Variants in SIRPB1 observed in about 807,000 individuals in gnomAD.
SIRPB1 encodes the protein signal-regulatory protein beta-1.
A neutral mutation model predicts 34.1 loss-of-function variants in SIRPB1; 28 were observed. That is an observed-to-expected ratio of 0.82 (90% CI 0.61 to 1.12). SIRPB1 has a LOEUF of 1.12. SIRPB1 is among the 50% of genes most tolerant of loss of function. SIRPB1 has a pLI of 0.00. For synonymous variants in SIRPB1, 211 were observed against 203.8 expected (o/e 1.04, Z -0.30); for missense variants, 499 against 507.0 (o/e 0.98, Z 0.15).
At chr20:1,615,513 G>A (rs539186828) in intron 1 of SIRPB1, among the ~76,000 whole-genome samples, 20 of 152,330 alleles carry the variant, frequency 1.3e-4, no homozygotes, top group African/African-American at 4.3e-4. Context: ...CTGCCAGGTA[G>A]AGCTGCACAC....
intron 1 of SIRPB1, among the ~76,000 whole-genome samples, chr20:1,615,528 C>CTG (rs1600167109): frequency 6.6e-6 from 1 of 152,204 alleles, no homozygotes; most frequent in Non-Finnish European, 1.5e-5. Flanking sequence ...GCACACCTTT[C>CTG]TGTTAACAGT....
intron 4 of SIRPB1, 86 bp downstream of exon 4, chr20:1,570,719 A>G (rs1600100257): frequency 9.1e-7 from 1 of 1,094,304 alleles, no homozygotes; most frequent in Non-Finnish European, 1.3e-6. Flanking sequence ...ATATTTATAG[A>G]CTTCTAGCTT....
At chr20:1,580,020 T>C (rs1600127290) in intron 1 of SIRPB1, among the ~76,000 whole-genome samples, 1 of 148,612 alleles carries the variant, frequency 6.7e-6, no homozygotes. Context: ...ACATGCAGCA[T>C]AACTATGGGA....
chr20:1,591,525 T>C lies in SIRPB1; in HGVS notation c.77-12831A>G, dbSNP rs2091441621. 2 of 49,090 alleles carry C rather than the reference T, an allele frequency of 4.1e-5. 1 individual carries two copies. 3.0% of individuals were successfully genotyped at this position (49,090 alleles called of 1,614,324 possible). Reference sequence around the variant, plus strand: ...TCACTTTTCCTTTAATTATTTCAAGTCAGTGCAATCGCCACCTATTTTCTC... The same window carrying C: ...TCACTTTTCCTTTAATTATTTCAAGCCAGTGCAATCGCCACCTATTTTCTC... On this transcript the variant is annotated intron_variant, in intron 1 of 5. Coordinates refer to ENST00000381605, the MANE Select transcript of SIRPB1 (RefSeq NM_006065.5).
intron 1 of SIRPB1, among the ~76,000 whole-genome samples, chr20:1,612,070 C>T (rs2091575145): frequency 1.4e-5 from 1 of 71,728 alleles, no homozygotes; most frequent in Admixed American, 1.1e-4. Flanking sequence ...TCACAGCTCA[C>T]TCTAGCCTCA....
intron 4 of SIRPB1, among the ~76,000 whole-genome samples, chr20:1,570,173 A>G (rs1221845427): frequency 2.0e-5 from 3 of 152,234 alleles, no homozygotes; most frequent in African/African-American, 7.2e-5. Flanking sequence ...TGGGTGTTTG[A>G]AGCAGGAAAG....
At position 1,571,865 on chromosome 20, in the gene SIRPB1, G is replaced by A. The variant is rs1381342860; in HGVS notation, c.606C>T (p.Asp202=). 2 of 1,614,112 alleles carry A rather than the reference G, an allele frequency of 1.2e-6. No homozygotes were observed. Among genetic ancestry groups the A allele is most frequent in the Non-Finnish European group, 1.7e-6 (2 of 1,180,054 alleles). The part of the protein sequence containing the change: ...DFQTNVDPAG[D]SVSYSIHSTA... Reference sequence around the variant, plus strand: ...TGCTGTGGATGCTGTAGGACACACTGTCTCCTGCGGGGTCCACGTTGGTCT... The same window carrying A: ...TGCTGTGGATGCTGTAGGACACACTATCTCCTGCGGGGTCCACGTTGGTCT... Residue 202 remains aspartate (D), a synonymous_variant, in exon 3 of 6, where the codon GAC becomes GAT. Transcript: ENST00000381605.
At chr20:1,612,845 C>T (rs1267741131) in intron 1 of SIRPB1, among the ~76,000 whole-genome samples, 1 of 71,418 alleles carries the variant, frequency 1.4e-5, no homozygotes, top group Non-Finnish European at 2.6e-5. Flanking sequence ...AAATGAAGAA[C>T]GTCAAATACA....
At chr20:1,618,424 C>T (rs1300409112) in intron 1 of SIRPB1, among the ~76,000 whole-genome samples, 1 of 152,198 alleles carries the variant, frequency 6.6e-6, no homozygotes, top group Non-Finnish European at 1.5e-5. Context: ...CTCCCTCTGC[C>T]TGAGTCTTTG....
rs2091434623 is a variant in SIRPB1, at chr20:1,589,165, T to C, written c.77-10471A>G. On this transcript the variant is annotated intron_variant, in intron 1 of 5. Transcript: ENST00000381605. Reference sequence around the variant, plus strand: ...TGAAATGATTCCTTATTCAAACCTTTTAATGATATAACTGGCAAAACGTAG... The same window carrying C: ...TGAAATGATTCCTTATTCAAACCTTCTAATGATATAACTGGCAAAACGTAG... 4.1e-5 allele frequency among the ~76,000 whole-genome samples: 2 copies of C among 49,060 alleles called. 1 individual carries two copies. The highest frequency in any genetic ancestry group is 2.7e-4 in the Admixed American group (2 of 7,390). The allele number at this position is 49,060 out of a possible 152,430, so 32.2% of individuals were successfully genotyped here. A position where few individuals can be genotyped will look rare whatever the true frequency, so the allele number is the denominator to read the frequency against.
rs918122613 is a variant in SIRPB1, at chr20:1,587,451, G to T, written c.77-8757C>A. On this transcript the variant is annotated intron_variant, in intron 1 of 5. Coordinates refer to ENST00000381605, the MANE Select transcript of SIRPB1 (RefSeq NM_006065.5). ...GGTGTCAGCTCCATGGCCTGAGTAA[G>T]GAGTGAGGACAGGAAGCCTATCTGG... 1.4e-4 allele frequency among the ~76,000 whole-genome samples: 7 copies of T among 48,702 alleles called. 3 individuals are homozygous for T. Among genetic ancestry groups the T allele is most frequent in the Admixed American group, 6.9e-4 (5 of 7,262 alleles). 32.0% of individuals were successfully genotyped at this position (48,702 alleles called of 152,430 possible).
chr20:1,566,264 G>C lies in SIRPB1; in HGVS notation c.1088C>G (p.Ala363Gly). The change falls in exon 5 of 6, where the codon GCA becomes GGA. Residue 363 changes from alanine to glycine, a missense_variant. Ala to Gly is a moderately conservative substitution (Grantham distance 60). Transcript: ENST00000381605. The part of the protein sequence containing the change: ...KEHGSDITHE[A>G]ALAPTAPLLV... ...GAGTGGAGCAGTAGGAGCCAGCGCTGCTTCTGGAAATCAGGGAAGAGGAGG... is the reference window on the plus strand; with the variant it reads ...GAGTGGAGCAGTAGGAGCCAGCGCTCCTTCTGGAAATCAGGGAAGAGGAGG... The C allele has an allele frequency of 6.3e-7, 1 of 1,597,788 alleles. No individual in the cohort carries two copies. Among genetic ancestry groups the C allele is most frequent in the Non-Finnish European group, 8.5e-7 (1 of 1,172,112 alleles).
intron 2 of SIRPB1, 101 bp downstream of exon 2, chr20:1,578,237 T>G: frequency 7.7e-7 from 1 of 1,297,038 alleles, no homozygotes; most frequent in Non-Finnish European, 1.1e-6. Flanking sequence ...GGGTGGCTGC[T>G]CAGCCACCAC....
rs2091108113 is a variant in SIRPB1 at position 1,564,972 on chromosome 20, CCAT to C, written c.*525_*527del. The C allele has an allele frequency of 1.0e-5, 4 of 398,360 alleles. No homozygotes were observed. 24.7% of individuals were successfully genotyped at this position (398,360 alleles called of 1,614,324 possible). ...CAGGATACTAGAAGAAATACTGTCTCCATCACAGAGAGAGAAGGGAGAGCTTCT... is the reference window on the plus strand; with the variant it reads ...CAGGATACTAGAAGAAATACTGTCTCCACAGAGAGAGAAGGGAGAGCTTCT... On this transcript the variant is annotated 3_prime_UTR_variant, in exon 6 of 6. Coordinates refer to ENST00000381605, the MANE Select transcript of SIRPB1 (RefSeq NM_006065.5).
rs191887405 is a variant in SIRPB1 at position 1,611,114 on chromosome 20, A to G, written c.76+8755T>C. The stretch of plus-strand genomic sequence containing the variant: ...GCTGGATCAGCTTTGGAAACACAAG[A>G]GCTGTAGAGCCGCAAGCTGGGGATG... On this transcript the variant is annotated intron_variant, in intron 1 of 5. Coordinates refer to ENST00000381605, the MANE Select transcript of SIRPB1 (RefSeq NM_006065.5). 8.4e-4 allele frequency among the ~76,000 whole-genome samples: 61 copies of G among 72,504 alleles called. 24 individuals are homozygous for G. The highest frequency in any genetic ancestry group is 6.7e-4 in the Admixed American group (6 of 8,998). 47.6% of individuals were successfully genotyped at this position (72,504 alleles called of 152,430 possible). A position where few individuals can be genotyped will look rare whatever the true frequency, so the allele number is the denominator to read the frequency against.
chr20:1,570,858 T>C lies in SIRPB1; in HGVS notation c.1031A>G (p.Tyr344Cys), dbSNP rs748924553. Residue 344 changes from tyrosine (Y) to cysteine (C), a missense_variant, in exon 4 of 6, where the codon TAT (tyrosine) becomes TGT (cysteine). By Grantham distance (194) the Tyr-to-Cys change is radical. Transcript: ENST00000381605. ...CTGGTGCGCTGAGATCTCCAGGGCA[T>C]AGCTTTTGCTGACTGCTTGCTGCCC... ...HDGQQAVSKS[Y>C]ALEISAHQKE... The C allele has an allele frequency of 1.2e-6, 2 of 1,614,184 alleles. No individual in the cohort carries two copies. The highest frequency in any genetic ancestry group is 1.1e-5 in the South Asian group (1 of 91,076).
intron 1 of SIRPB1, among the ~76,000 whole-genome samples, chr20:1,612,946 C>T (rs1225406946): frequency 2.8e-5 from 2 of 71,422 alleles, no homozygotes; most frequent in Admixed American, 1.1e-4. Flanking sequence ...GTAAGTCTGA[C>T]GAAGAAGTCC....
chr20:1,566,456 C>T (rs951750675), intron 4 of SIRPB1, among the ~76,000 whole-genome samples, 189 bp from the exon 5 acceptor site: 2 of 152,234 alleles, frequency 1.3e-5, no homozygotes, highest in African/African-American at 4.8e-5. Context: ...CTCATTCTCA[C>T]TCACCCTGTC....
In SIRPB1 at chr20:1,582,956, T is replaced by C; in HGVS notation, c.77-4262A>G. 4.0e-5 allele frequency among the ~76,000 whole-genome samples: 2 copies of C among 49,514 alleles called. 1 individual carries two copies. The highest frequency in any genetic ancestry group is 7.8e-5 in the Non-Finnish European group (2 of 25,598). The allele number at this position is 49,514 out of a possible 152,430, so 32.5% of individuals were successfully genotyped here. On this transcript the variant is annotated intron_variant, in intron 1 of 5. Transcript: ENST00000381605. ...GTTAGGTCCTGGCACATAGCAGGTA[T>C]TCATCAAATATGTGTATAATGTGTG...
Sources: allele counts gnomAD v4.1 joint callset (sites outside exome capture counted in the v4.1 genomes callset), GRCh38; gene constraint gnomAD v4.1.1; transcripts MANE v1.5; gene names NCBI Gene and HGNC (gene_info 2026-07-23, HGNC 2026-07-21).